TNFRSF11A: variants seen among roughly 807,000 people sequenced by gnomAD.
TNFRSF11A encodes tumor necrosis factor receptor superfamily member 11A.
Under a neutral mutation model 55.7 loss-of-function variants are expected in TNFRSF11A, and 32 were observed. The ratio of observed to expected loss-of-function variants is 0.57; its 90% CI spans 0.43 to 0.77. The LOEUF is 0.77. Ranked by LOEUF, TNFRSF11A falls within the 30% of genes least tolerant of loss-of-function variation. The pLI, the probability that TNFRSF11A is intolerant of heterozygous loss-of-function variation, is 0.00. For missense variants in TNFRSF11A, 753 were observed against 809.8 expected (o/e 0.93, Z 0.85); for synonymous variants, 311 against 331.0 (o/e 0.94, Z 0.65).
intron 3 of TNFRSF11A, 34 bp from the exon 4 acceptor site, chr18:62,354,357 C>T (rs1375730517): frequency 4.6e-6 from 7 of 1,535,634 alleles, no homozygotes; most frequent in Non-Finnish European, 6.1e-6. Flanking sequence ...GCCTGCCCCT[C>T]CCTGGCCACT....
rs1328838262 is a variant in TNFRSF11A, at chr18:62,383,905, A to ACT, written c.1568-845_1568-844insTC. ...TTAATCTCTACTGAAAGCTGAGCCC[A>ACT]CGTGGCCCCATGATCCTCCAGGGCT... On this transcript the variant is annotated intron_variant, in intron 9 of 9. Transcript: ENST00000586569. This position sits in a 1 kb window ranked among gnomAD's most constrained non-coding sequence, Gnocchi z 4.2. 1.3e-5 allele frequency among the ~76,000 whole-genome samples: 2 copies of ACT among 152,082 alleles called. No individual in the cohort carries two copies. Among genetic ancestry groups the ACT allele is most frequent in the Non-Finnish European group, 2.9e-5 (2 of 68,034 alleles).
chr18:62,390,356 G>A lies in TNFRSF11A; in HGVS notation c.*5322G>A, dbSNP rs1427668558. On this transcript the variant is annotated 3_prime_UTR_variant, in exon 10 of 10. Transcript: ENST00000586569. Reference sequence around the variant, plus strand: ...TGTCTTAAAAGACTATGATTAAAATGGGCATCAGTGTAGGCAACATGTAGG... The same window carrying A: ...TGTCTTAAAAGACTATGATTAAAATAGGCATCAGTGTAGGCAACATGTAGG... 1 of 152,220 alleles carries A rather than the reference G, an allele frequency of 6.6e-6. No homozygotes were observed. The highest frequency in any genetic ancestry group is 1.5e-5 in the Non-Finnish European group (1 of 68,042). 9.4% of individuals were successfully genotyped at this position (152,220 alleles called of 1,614,324 possible).
At chr18:62,343,132 C>A (rs972299123) in intron 1 of TNFRSF11A, among the ~76,000 whole-genome samples, 19 of 152,190 alleles carry the variant, frequency 1.2e-4, no homozygotes, top group Non-Finnish European at 2.9e-5. Flanking sequence ...TTAAGAAAAA[C>A]CACATCTTTC....
chr18:62,364,236 G>A (rs916066667), intron 7 of TNFRSF11A, among the ~76,000 whole-genome samples: 1 of 152,164 alleles, frequency 6.6e-6, no homozygotes, highest in Non-Finnish European at 1.5e-5. Context: ...GCATTCTATC[G>A]TGAGAGAGCT....
Position 62,384,806 on chromosome 18 carries a change from C to G in TNFRSF11A, c.1623C>G (p.Asn541Lys), listed in dbSNP as rs1911572242. 2 of 1,612,720 alleles carry G rather than the reference C, an allele frequency of 1.2e-6. No homozygotes were observed. Among genetic ancestry groups the G allele is most frequent in the African/African-American group, 2.7e-5 (2 of 74,928 alleles). ...STFISSGQVM[N>K]FKGDIIVVYV... Reference sequence around the variant, plus strand: ...TCATCTCCAGCGGGCAGGTGATGAACTTCAAGGGCGACATCATCGTGGTCT... The same window carrying G: ...TCATCTCCAGCGGGCAGGTGATGAAGTTCAAGGGCGACATCATCGTGGTCT... Residue 541 changes from asparagine to lysine, a missense_variant, in exon 10 of 10, where the codon AAC (asparagine) becomes AAG (lysine). Coordinates refer to ENST00000586569, the MANE Select transcript of TNFRSF11A (RefSeq NM_003839.4).
chr18:62,368,674 C>T, intron 8 of TNFRSF11A, 27 bp from the exon 9 acceptor site: 3 of 1,613,612 alleles, frequency 1.9e-6, no homozygotes, highest in Non-Finnish European at 2.5e-6. Context: ...GTATTAATGC[C>T]TCTGCCTTCT....
rs1911625544 is a variant in TNFRSF11A, at chr18:62,385,113, G to T, written c.*79G>T. ...CACCGCAGCCTCTGCCCCAGCCCCG[G>T]CCACCCAGGGATCGATCGGTACAGT... is the stretch of plus-strand genomic sequence containing the variant. On this transcript the variant is annotated 3_prime_UTR_variant, in exon 10 of 10. Coordinates refer to ENST00000586569, the MANE Select transcript of TNFRSF11A (RefSeq NM_003839.4). The T allele has an allele frequency of 2.9e-6, 4 of 1,360,098 alleles. No homozygotes were observed. The East Asian group carries it at 9.1e-5, about 31-fold the overall frequency. 84.3% of individuals were successfully genotyped at this position (1,360,098 alleles called of 1,614,324 possible).
At position 62,325,633 on chromosome 18, in the gene TNFRSF11A, G is replaced by T. The variant is rs528432919; in HGVS notation, c.75+206G>T. On this transcript the variant is annotated intron_variant, in intron 1 of 9. Transcript: ENST00000586569. The surrounding 1 kb of genome is among the most constrained non-coding windows in gnomAD (Gnocchi z 4.7). Reference sequence around the variant, plus strand: ...AGGGCAAGCGGAGGGAAACTGGGGCGCAGAAGGAGCAGGTTGGCGGGACCG... The same window carrying T: ...AGGGCAAGCGGAGGGAAACTGGGGCTCAGAAGGAGCAGGTTGGCGGGACCG... Among the ~76,000 whole-genome samples the T allele has an allele frequency of 1.3e-5, 2 of 152,276 alleles. No individual in the cohort carries two copies. The highest frequency in any genetic ancestry group is 4.8e-5 in the African/African-American group (2 of 41,586).
At chr18:62,335,058 A>G (rs993009830) in intron 1 of TNFRSF11A, among the ~76,000 whole-genome samples, 4 of 151,850 alleles carry the variant, frequency 2.6e-5, no homozygotes, top group African/African-American at 9.7e-5. Flanking sequence ...GCCCCTTTCT[A>G]ATGGGCTGAA....
At chr18:62,366,660 G>A (rs1261422759) in intron 7 of TNFRSF11A, 48 bp from the exon 8 acceptor site, 2 of 1,577,772 alleles carry the variant, frequency 1.3e-6, no homozygotes, top group East Asian at 2.2e-5. Context: ...AAGAAAAGAA[G>A]TGGGAAATAA....
intron 1 of TNFRSF11A, among the ~76,000 whole-genome samples, chr18:62,326,980 T>C (rs566263891): frequency 6.6e-6 from 1 of 152,298 alleles, no homozygotes; most frequent in African/African-American, 2.4e-5. Context: ...GGTCAGATGA[T>C]TGAAGCTCAT....
chr18:62,325,492 C>A lies in TNFRSF11A; in HGVS notation c.75+65C>A. 2 of 1,094,908 alleles carry A rather than the reference C, an allele frequency of 1.8e-6. No individual in the cohort carries two copies. 67.8% of individuals were successfully genotyped at this position (1,094,908 alleles called of 1,614,324 possible). ...GCCTCCTCGGGAGCCCCGGGAAGGG[C>A]CGGGGCCGGCGGCATCCTGGCTCCT... On this transcript the variant is annotated intron_variant, in intron 1 of 9. Transcript: ENST00000586569. This position sits in a 1 kb window ranked among gnomAD's most constrained non-coding sequence, Gnocchi z 4.7.
chr18:62,349,471 G>A (rs917412688), intron 2 of TNFRSF11A, among the ~76,000 whole-genome samples: 6 of 152,150 alleles, frequency 3.9e-5, no homozygotes, highest in South Asian at 4.1e-4. Flanking sequence ...GTGAGCCACC[G>A]TGCCTGGCCC....
At chr18:62,331,989 A>G (rs2145239660) in intron 1 of TNFRSF11A, among the ~76,000 whole-genome samples, 1 of 152,350 alleles carries the variant, frequency 6.6e-6, no homozygotes, top group Admixed American at 6.5e-5. Flanking sequence ...TAGTTCATCA[A>G]AGTAATAATA....
At chr18:62,360,136 G>A (rs1600392584) in intron 6 of TNFRSF11A, 87 bp downstream of exon 6, 1 of 983,924 alleles carries the variant, frequency 1.0e-6, no homozygotes, top group East Asian at 2.5e-5. Flanking sequence ...ACGTGGATTT[G>A]CGGGCGTCCT....
intron 1 of TNFRSF11A, among the ~76,000 whole-genome samples, chr18:62,339,632 C>T (rs2046283644): frequency 6.6e-6 from 1 of 152,190 alleles, no homozygotes. Context: ...AAGCCAGGAC[C>T]TCATGCAGGT....
At chr18:62,373,127 C>T (rs1600413264) in intron 9 of TNFRSF11A, among the ~76,000 whole-genome samples, 2 of 152,270 alleles carry the variant, frequency 1.3e-5, no homozygotes, top group East Asian at 3.9e-4. Flanking sequence ...ATCTCACACC[C>T]TATCAACACC....
intron 3 of TNFRSF11A, among the ~76,000 whole-genome samples, chr18:62,352,231 T>C (rs1210680561): frequency 6.6e-6 from 1 of 152,242 alleles, no homozygotes; most frequent in Non-Finnish European, 1.5e-5. Flanking sequence ...ATCAGACATT[T>C]CTCTAAGGTT....
chr18:62,354,663 G>A (rs1251343868), intron 4 of TNFRSF11A, 129 bp downstream of exon 4: 2 of 1,355,734 alleles, frequency 1.5e-6, no homozygotes, highest in Non-Finnish European at 2.0e-6. Flanking sequence ...TGAGGGATGG[G>A]GAAAGGTGGG....
Sources: gnomAD v4.1 joint callset for allele counts (sites outside exome capture counted in the v4.1 genomes callset) on GRCh38, gnomAD v4.1.1 for gene constraint, Gnocchi (gnomAD v3.1) non-coding constraint, MANE v1.5 for transcripts, NCBI Gene and HGNC (gene_info 2026-07-23, HGNC 2026-07-21) for gene names.